Variants in ARHGEF28 observed in about 807,000 individuals in gnomAD.
ARHGEF28 encodes the protein 190 kDa guanine nucleotide exchange factor.
A neutral mutation model predicts 206.6 loss-of-function variants in ARHGEF28; 152 were observed. The observed-to-expected ratio is 0.74, with a 90% confidence interval of 0.64 to 0.84. The LOEUF (loss-of-function observed/expected upper bound fraction) is 0.84. ARHGEF28 is among the 40% of genes least tolerant of loss of function. ARHGEF28 has a pLI of 0.00. For synonymous variants in ARHGEF28, 763 were observed against 776.4 expected (o/e 0.98, Z 0.29); for missense variants, 2,028 against 2,073.2 (o/e 0.98, Z 0.42).
chr5:73,717,092 G>GA (rs1219121757), intron 2 of ARHGEF28, among the ~76,000 whole-genome samples: 1 of 152,056 alleles, frequency 6.6e-6, no homozygotes, highest in Non-Finnish European at 1.5e-5. Flanking sequence ...TTAGAATCCT[G>GA]AAAAATCCAC....
At chr5:73,883,216 T>G (rs1036258526) in intron 23 of ARHGEF28, among the ~76,000 whole-genome samples, 1 of 152,140 alleles carries the variant, frequency 6.6e-6, no homozygotes, top group Non-Finnish European at 1.5e-5. Context: ...TTATAAAGTT[T>G]CCTGGATTCT....
chr5:73,786,497 C>T (rs1304357806), intron 7 of ARHGEF28: 1 of 152,252 alleles, frequency 6.6e-6, no homozygotes, highest in Admixed American at 6.5e-5. Context: ...ACATTGGAAA[C>T]ATTGCCTTGA....
At chr5:73,682,655 A>G (rs899578110) in intron 1 of ARHGEF28, among the ~76,000 whole-genome samples, 31 of 152,094 alleles carry the variant, frequency 2.0e-4, no homozygotes, top group African/African-American at 7.5e-4. Flanking sequence ...GAGGTGATCC[A>G]CCTGCCTCAG....
intron 35 of ARHGEF28, among the ~76,000 whole-genome samples, chr5:73,939,371 C>A (rs1418451670): frequency 6.6e-6 from 1 of 152,168 alleles, no homozygotes; most frequent in Non-Finnish European, 1.5e-5. Flanking sequence ...TGAGGTACAG[C>A]ATTTAGGATC....
At chr5:73,744,736 T>A (rs779093388) in intron 2 of ARHGEF28, among the ~76,000 whole-genome samples, 1 of 152,094 alleles carries the variant, frequency 6.6e-6, no homozygotes, top group Non-Finnish European at 1.5e-5. Flanking sequence ...ATATAAAGGC[T>A]GTGTATAATA....
At chr5:73,689,005 T>C (rs1747649168) in intron 2 of ARHGEF28, among the ~76,000 whole-genome samples, 1 of 152,262 alleles carries the variant, frequency 6.6e-6, no homozygotes, top group African/African-American at 2.4e-5. Flanking sequence ...ATCAAGTTGT[T>C]TTGTTCCTTG....
At chr5:73,838,782 A>G (rs1310665569) in intron 10 of ARHGEF28, among the ~76,000 whole-genome samples, 4 of 152,192 alleles carry the variant, frequency 2.6e-5, no homozygotes, top group African/African-American at 9.6e-5. Flanking sequence ...TTACGTAAGC[A>G]CAGTACAGTT....
At chr5:73,813,818 T>C (rs1400959213) in intron 9 of ARHGEF28, 4 of 820,978 alleles carry the variant, frequency 4.9e-6, no homozygotes, top group Admixed American at 2.8e-5. Flanking sequence ...CAGATACATA[T>C]AGGTTTCTGA....
At chr5:73,767,729 A>G (rs928151461) in intron 4 of ARHGEF28, among the ~76,000 whole-genome samples, 24 of 152,174 alleles carry the variant, frequency 1.6e-4, no homozygotes, top group African/African-American at 5.8e-4. Flanking sequence ...AGAAAATCCC[A>G]TTTTCTGAGG....
At chr5:73,696,503 T>G (rs113210005) in intron 2 of ARHGEF28, among the ~76,000 whole-genome samples, 99 of 152,376 alleles carry the variant, frequency 6.5e-4, no homozygotes, top group African/African-American at 2.3e-3. Context: ...CTAGACATTT[T>G]CTATTTTGAG....
intron 33 of ARHGEF28, among the ~76,000 whole-genome samples, chr5:73,907,569 T>G (rs1762626685): frequency 6.6e-6 from 1 of 152,170 alleles, no homozygotes; most frequent in Non-Finnish European, 1.5e-5. Context: ...ATTTGATCCC[T>G]ATATCAGGAA....
intron 11 of ARHGEF28, among the ~76,000 whole-genome samples, chr5:73,845,340 TA>T (rs1758269314): frequency 6.6e-6 from 1 of 152,122 alleles, no homozygotes; most frequent in Non-Finnish European, 1.5e-5. Flanking sequence ...TTTTAACCTC[TA>T]AAAATGATCA....
intron 1 of ARHGEF28, among the ~76,000 whole-genome samples, chr5:73,666,975 C>G (rs750840884): frequency 3.3e-5 from 5 of 151,372 alleles, no homozygotes; most frequent in Non-Finnish European, 7.4e-5. Context: ...AAAGCCGTAG[C>G]AGAGGGCACA....
intron 7 of ARHGEF28, among the ~76,000 whole-genome samples, chr5:73,785,814 C>G (rs764937226): frequency 6.6e-6 from 1 of 152,064 alleles, no homozygotes; most frequent in African/African-American, 2.4e-5. Context: ...ACATGTGTTA[C>G]AATCACCAAG....
At chr5:73,838,606 C>T (rs1757803982) in intron 10 of ARHGEF28, among the ~76,000 whole-genome samples, 1 of 152,168 alleles carries the variant, frequency 6.6e-6, no homozygotes, top group Non-Finnish European at 1.5e-5. Flanking sequence ...TAATATTTTA[C>T]TACATTTTAC....
chr5:73,634,421 T>C (rs1364819332), intron 1 of ARHGEF28, among the ~76,000 whole-genome samples: 3 of 152,252 alleles, frequency 2.0e-5, no homozygotes, highest in African/African-American at 7.2e-5. Flanking sequence ...AAGTGACTTA[T>C]TCTTTGGGAG....
intron 7 of ARHGEF28, among the ~76,000 whole-genome samples, chr5:73,781,230 C>T (rs1170630494): frequency 2.0e-5 from 3 of 152,196 alleles, no homozygotes; most frequent in East Asian, 1.9e-4. Context: ...GCTGGATGTT[C>T]ATCAAGATAC....
intron 1 of ARHGEF28, among the ~76,000 whole-genome samples, chr5:73,633,992 A>G (rs1743540466): frequency 1.3e-5 from 2 of 152,058 alleles, no homozygotes; most frequent in Non-Finnish European, 2.9e-5. Context: ...GAATTGTGCA[A>G]TTGGGTTTTT....
At chr5:73,896,135 T>C (rs1399828278) in intron 29 of ARHGEF28, among the ~76,000 whole-genome samples, 1 of 152,098 alleles carries the variant, frequency 6.6e-6, no homozygotes, top group African/African-American at 2.4e-5. Flanking sequence ...CCAAAGATAA[T>C]GGGATTGTGG....
Sources: gnomAD v4.1 joint callset for allele counts (sites outside exome capture counted in the v4.1 genomes callset) on GRCh38, gnomAD v4.1.1 for gene constraint, MANE v1.5 for transcripts, NCBI Gene and HGNC (gene_info 2026-07-23, HGNC 2026-07-21) for gene names.